Variants in SYN3 observed in about 807,000 individuals in gnomAD.
SYN3 encodes synapsin-3.
A neutral mutation model predicts 65.8 loss-of-function variants in SYN3; 35 were observed. The ratio of observed to expected loss-of-function variants is 0.53; its 90% CI spans 0.41 to 0.70. The LOEUF is 0.70. Among genes scored for constraint, SYN3 ranks in the 30% least tolerant of loss-of-function variants. SYN3 has a pLI of 0.00. For missense variants in SYN3, 680 were observed against 749.0 expected, an observed-to-expected ratio of 0.91 and a Z score of 1.08; for synonymous variants, 270 against 292.9, an observed-to-expected ratio of 0.92 and a Z score of 0.80.
intron 6 of SYN3, among the ~76,000 whole-genome samples, chr22:32,813,558 C>T (rs2046973944): frequency 6.6e-6 from 1 of 151,142 alleles, no homozygotes. Context: ...AAAACATGTC[C>T]ATGGGCCAGA....
intron 1 of SYN3, among the ~76,000 whole-genome samples, chr22:33,032,658 A>G (rs934553107): frequency 6.6e-6 from 1 of 151,540 alleles, no homozygotes; most frequent in Admixed American, 6.6e-5. Context: ...TTTTTTTTTT[A>G]ATTCATCCCA....
chr22:32,988,046 T>C (rs2052580933), intron 2 of SYN3, among the ~76,000 whole-genome samples: 2 of 151,058 alleles, frequency 1.3e-5, no homozygotes, highest in Middle Eastern at 7.0e-3. Flanking sequence ...CAGTGGCTCA[T>C]GCCTGTAATC....
intron 6 of SYN3, chr22:32,861,745 G>A (rs1243843492): frequency 6.6e-6 from 1 of 152,474 alleles, no homozygotes; most frequent in African/African-American, 2.4e-5. Context: ...ATGTCAGAGG[G>A]CGGTTTTGAG....
At chr22:33,015,299 GAAC>G (rs999888413) in intron 1 of SYN3, 41 of 628,382 alleles carry the variant, frequency 6.5e-5, no homozygotes, top group East Asian at 2.2e-4. Context: ...AACGGCGTTT[GAAC>G]AACATTTTCC....
At chr22:32,784,116 C>T (rs9621562) in intron 6 of SYN3, among the ~76,000 whole-genome samples, 7,862 of 152,298 alleles carry the variant, frequency 0.052, 260 homozygotes, top group Middle Eastern at 0.11. Context: ...TTTTCTGGGG[C>T]TTTTGTCATT....
chr22:32,849,456 C>T lies in SYN3; in HGVS notation c.711+15459G>A, dbSNP rs1262069689. On this transcript the variant is annotated intron_variant, in intron 6 of 13. Transcript: ENST00000358763. Reference sequence around the variant, plus strand: ...TGTCTCCTTCTGTCTCTGCAGTGATCCGGGCCAAGGTGGTGGGGAAGAAGC... The same window carrying T: ...TGTCTCCTTCTGTCTCTGCAGTGATTCGGGCCAAGGTGGTGGGGAAGAAGC... The T allele has an allele frequency of 4.3e-6, 7 of 1,613,510 alleles. No individual in the cohort carries two copies. In the South Asian group the frequency reaches 7.7e-5, roughly 18 times the overall value.
chr22:32,889,488 GA>G (rs1250838459), intron 4 of SYN3, among the ~76,000 whole-genome samples: 2 of 151,856 alleles, frequency 1.3e-5, no homozygotes, highest in African/African-American at 4.8e-5. Flanking sequence ...CTTATTTAAA[GA>G]AAATAAAATC....
intron 2 of SYN3, among the ~76,000 whole-genome samples, chr22:32,985,588 C>A (rs1280174382): frequency 6.6e-6 from 1 of 152,208 alleles, no homozygotes; most frequent in African/African-American, 2.4e-5. Context: ...CACGAGTGAT[C>A]TGGGTACCCA....
At chr22:32,752,840 G>C (rs2045172307) in intron 6 of SYN3, among the ~76,000 whole-genome samples, 1 of 152,212 alleles carries the variant, frequency 6.6e-6, no homozygotes, top group Non-Finnish European at 1.5e-5. Context: ...TTTTACCATG[G>C]GGAGCATGCA....
rs548182522 is a variant in SYN3 at position 33,040,092 on chromosome 22, C to T, written c.-163+18200G>A. ...TCGCCCAGGCTGGAGTGCAGTGGCG[C>T]GATCTCGGCTCACTGCCCGCCACCA... On this transcript the variant is annotated intron_variant, in intron 1 of 13. Coordinates refer to ENST00000358763, the MANE Select transcript of SYN3 (RefSeq NM_003490.4). Among the ~76,000 whole-genome samples the T allele has an allele frequency of 7.3e-5, 11 of 151,036 alleles. 1 individual carries two copies. Among genetic ancestry groups the T allele is most frequent in the East Asian group, 5.9e-4 (3 of 5,082 alleles).
rs572831104 is a variant in SYN3 at position 32,623,815 on chromosome 22, G to A, written c.712-27079C>T. ...ATAAGAGGGGACTTGGGTCCAGGGT[G>A]GGGTGGCTGAACTCTGTCGGAAAAA... On this transcript the variant is annotated intron_variant, in intron 6 of 13. Transcript: ENST00000358763. Among the ~76,000 whole-genome samples, 6 of 152,312 alleles carry A rather than the reference G, an allele frequency of 3.9e-5. No individual in the cohort carries two copies. The South Asian group carries it at 8.3e-4, about 21-fold the overall frequency.
At chr22:32,582,092 C>A (rs535406099) in intron 7 of SYN3, among the ~76,000 whole-genome samples, 1 of 152,208 alleles carries the variant, frequency 6.6e-6, no homozygotes, top group South Asian at 2.1e-4. Flanking sequence ...GCTACCACAC[C>A]CGGCCTGAGA....
rs141267203 is a variant in SYN3, at chr22:32,952,794, C to T, written c.370-21313G>A. ...ATAAATAGAATTTAAAAATAAAAAG[C>T]AGTGTTTTGCAGTTTACAAAATGTT... is the stretch of plus-strand genomic sequence containing the variant. On this transcript the variant is annotated intron_variant, in intron 3 of 13. Transcript: ENST00000358763. Among the ~76,000 whole-genome samples, 26 of 152,238 alleles carry T rather than the reference C, an allele frequency of 1.7e-4. No homozygotes were observed. In the East Asian group the frequency reaches 4.6e-3, roughly 27 times the overall value.
intron 2 of SYN3, among the ~76,000 whole-genome samples, chr22:32,999,685 AAAAACAAAAACAAAAC>A (rs143911254): frequency 0.39 from 59,374 of 151,278 alleles, 11,999 homozygotes; most frequent in Middle Eastern, 0.47. Context: ...TCTGTCTCTA[AAAAACAAAAACAAAAC>A]AAAACAAAAA....
rs557242301 is a variant in SYN3 at position 32,844,894 on chromosome 22, TA to T, written c.711+20020del. ...CCTGGCTAATTGTTTTAAATTTTTA[TA>T]ATTTTTTATTTTTTATAGAGACAAG... On this transcript the variant is annotated intron_variant, in intron 6 of 13. Coordinates refer to ENST00000358763, the MANE Select transcript of SYN3 (RefSeq NM_003490.4). Among the ~76,000 whole-genome samples, 130 of 152,226 alleles carry T rather than the reference TA, an allele frequency of 8.5e-4. 1 individual carries two copies. The highest frequency in any genetic ancestry group is 1.6e-3 in the Admixed American group (25 of 15,292).
chr22:32,844,149 A>G (rs1181540618), intron 6 of SYN3, among the ~76,000 whole-genome samples: 2 of 152,164 alleles, frequency 1.3e-5, no homozygotes, highest in Non-Finnish European at 2.9e-5. Flanking sequence ...CCAGTAGGAA[A>G]GTCCAACCAT....
At chr22:32,716,321 G>A (rs1017301219) in intron 6 of SYN3, among the ~76,000 whole-genome samples, 2 of 151,962 alleles carry the variant, frequency 1.3e-5, no homozygotes, top group African/African-American at 4.8e-5. Flanking sequence ...CATTCAGAGG[G>A]CTCCCCAGGC....
chr22:32,554,355 T>C (rs2058460460), intron 7 of SYN3, among the ~76,000 whole-genome samples: 1 of 152,190 alleles, frequency 6.6e-6, no homozygotes, highest in Non-Finnish European at 1.5e-5. Flanking sequence ...CTGGGAAGTC[T>C]CTACTGAAAT....
At chr22:32,949,185 G>A (rs1436857602) in intron 3 of SYN3, among the ~76,000 whole-genome samples, 1 of 152,040 alleles carries the variant, frequency 6.6e-6, no homozygotes, top group African/African-American at 2.4e-5. Flanking sequence ...GGCCAAGGTG[G>A]GAGAATCACT....
Sources: gnomAD v4.1 joint callset for allele counts (sites outside exome capture counted in the v4.1 genomes callset) on GRCh38, gnomAD v4.1.1 for gene constraint, MANE v1.5 for transcripts, NCBI Gene and HGNC (gene_info 2026-07-23, HGNC 2026-07-21) for gene names.